The following HDAC9 variants were observed in gnomAD, a reference collection of about 807,000 sequenced individuals.
HDAC9 encodes histone deacetylase 9, also known as MEF-2 interacting transcription repressor (MITR) protein.
Under a neutral mutation model 139.4 loss-of-function variants are expected in HDAC9, and 41 were observed. The observed-to-expected ratio is 0.29, with a 90% CI of 0.23 to 0.38. HDAC9 has a LOEUF of 0.38. HDAC9 is among the 10% of genes least tolerant of loss of function. The pLI is 1.00. For missense variants in HDAC9, 1,147 were observed against 1,297.0 expected, an observed-to-expected ratio of 0.88 and a Z score of 1.78; for synonymous variants, 517 against 476.2, an observed-to-expected ratio of 1.09 and a Z score of -1.12.
Position 18,976,956 on chromosome 7 carries a change from G to C in HDAC9, c.3170+1003G>C, listed in dbSNP as rs185040016. 1.2e-4 allele frequency among the ~76,000 whole-genome samples: 18 copies of C among 152,118 alleles called. 1 individual carries two copies. Among genetic ancestry groups the C allele is most frequent in the African/African-American group, 3.9e-4 (16 of 41,428 alleles). ...AATTTTCCCAAGAATGCACAAATACGAACAGTTCTACTTTCTTGCTTTTAC... is the reference window on the plus strand; with the variant it reads ...AATTTTCCCAAGAATGCACAAATACCAACAGTTCTACTTTCTTGCTTTTAC... On this transcript the variant is annotated intron_variant, in intron 25 of 25. Coordinates refer to ENST00000686413, the MANE Select transcript of HDAC9 (RefSeq NM_178425.4).
chr7:18,447,205 CAG>C (rs1172811060), intron 1 of HDAC9, among the ~76,000 whole-genome samples: 4 of 151,968 alleles, frequency 2.6e-5, no homozygotes, highest in South Asian at 2.1e-4. Flanking sequence ...CAAAAAATAA[CAG>C]AGAGTTTAAA....
rs527292968 is a variant in HDAC9 at position 18,618,956 on chromosome 7, A to C, written c.665-10394A>C. 5.9e-5 allele frequency among the ~76,000 whole-genome samples: 9 copies of C among 152,052 alleles called. No individual in the cohort carries two copies. The East Asian group carries it at 1.5e-3, about 26-fold the overall frequency. ...TAAAACTTTGGGATTCAGGTAGAAA[A>C]GAAAATTATTTTAGAAACTGGATTG... On this transcript the variant is annotated intron_variant, in intron 6 of 25. Coordinates refer to ENST00000686413, the MANE Select transcript of HDAC9 (RefSeq NM_178425.4).
chr7:18,650,203 G>GA (rs1399815406), intron 11 of HDAC9, among the ~76,000 whole-genome samples: 4 of 152,030 alleles, frequency 2.6e-5, no homozygotes, highest in Non-Finnish European at 5.9e-5. Context: ...AGGTATTCTT[G>GA]AAAAATTGTC....
chr7:18,423,674 T>C (rs1351789478), intron 1 of HDAC9, among the ~76,000 whole-genome samples: 3 of 152,162 alleles, frequency 2.0e-5, no homozygotes, highest in African/African-American at 7.2e-5. Flanking sequence ...TCAGGGCCAT[T>C]CCCCACATGG....
intron 7 of HDAC9, among the ~76,000 whole-genome samples, chr7:18,629,995 T>C (rs1468470962): frequency 1.3e-5 from 2 of 152,058 alleles, no homozygotes; most frequent in Admixed American, 1.3e-4. Flanking sequence ...AGGAGGGGGA[T>C]ATATTGCTTT....
chr7:18,412,206 T>C (rs1788633805), intron 1 of HDAC9, among the ~76,000 whole-genome samples: 1 of 152,062 alleles, frequency 6.6e-6, no homozygotes, highest in African/African-American at 2.4e-5. Context: ...TCTGTGTAGG[T>C]CTTTTACTAG....
intron 9 of HDAC9, among the ~76,000 whole-genome samples, chr7:18,647,435 A>T (rs1220288169): frequency 6.6e-6 from 1 of 152,156 alleles, no homozygotes; most frequent in African/African-American, 2.4e-5. Flanking sequence ...TTTCACATGT[A>T]CAATATATTG....
intron 1 of HDAC9, among the ~76,000 whole-genome samples, chr7:18,294,996 A>G (rs948820819): frequency 6.6e-6 from 1 of 152,098 alleles, no homozygotes; most frequent in African/African-American, 2.4e-5. Context: ...TTGTGTGAAG[A>G]TGGGCAAATT....
intron 17 of HDAC9, among the ~76,000 whole-genome samples, chr7:18,803,903 T>A (rs943248643): frequency 3.9e-5 from 6 of 152,052 alleles, no homozygotes; most frequent in African/African-American, 1.2e-4. Context: ...TTAATTTATT[T>A]AAAAAAAACA....
chr7:18,750,978 G>A (rs1788394111), intron 14 of HDAC9, among the ~76,000 whole-genome samples: 1 of 152,116 alleles, frequency 6.6e-6, no homozygotes, highest in Non-Finnish European at 1.5e-5. Context: ...CGAATGCCTT[G>A]TTAGATAGTG....
At chr7:18,949,137 G>A in intron 23 of HDAC9, 1 of 287,354 alleles carries the variant, frequency 3.5e-6, no homozygotes, top group Non-Finnish European at 6.7e-6. Flanking sequence ...TGATGTTGAT[G>A]GTTTTGAGTC....
At chr7:18,741,430 C>T (rs1479437772) in intron 13 of HDAC9, among the ~76,000 whole-genome samples, 2 of 152,126 alleles carry the variant, frequency 1.3e-5, no homozygotes, top group African/African-American at 4.8e-5. Context: ...ACAGCATATC[C>T]GTTTAGAGTG....
chr7:18,726,172 C>T (rs1175085710), intron 12 of HDAC9, among the ~76,000 whole-genome samples: 1 of 152,138 alleles, frequency 6.6e-6, no homozygotes, highest in Non-Finnish European at 1.5e-5. Flanking sequence ...ACAGAGAAAG[C>T]TACAATTACG....
intron 16 of HDAC9, among the ~76,000 whole-genome samples, chr7:18,777,417 G>A (rs1383122738): frequency 1.3e-5 from 2 of 151,898 alleles, no homozygotes; most frequent in East Asian, 3.9e-4. Flanking sequence ...TGCTCTGGCT[G>A]GTCCATCCTG....
chr7:18,096,924 T>C (rs1782544625), intron 1 of HDAC9, among the ~76,000 whole-genome samples: 1 of 150,962 alleles, frequency 6.6e-6, no homozygotes, highest in African/African-American at 2.4e-5. Context: ...TGTGTGTGTA[T>C]TCGTACTCTT....
At chr7:18,114,572 A>T (rs1056429574) in intron 1 of HDAC9, among the ~76,000 whole-genome samples, 50 of 152,292 alleles carry the variant, frequency 3.3e-4, no homozygotes, top group African/African-American at 1.2e-3. Flanking sequence ...ACTATTTTTA[A>T]TTAATAAGTG....
At chr7:18,518,209 A>G (rs780582663) in intron 2 of HDAC9, 9 of 152,168 alleles carry the variant, frequency 5.9e-5, no homozygotes, top group Non-Finnish European at 1.2e-4. Flanking sequence ...TTCTCCAACT[A>G]GACTGACTTC....
At chr7:18,664,553 G>A (rs144593123) in intron 11 of HDAC9, among the ~76,000 whole-genome samples, 9 of 151,882 alleles carry the variant, frequency 5.9e-5, no homozygotes, top group South Asian at 2.1e-4. Context: ...ACTTAGATGC[G>A]CTGGTCTCCT....
At chr7:18,906,129 T>G (rs1182092828) in intron 22 of HDAC9, among the ~76,000 whole-genome samples, 1 of 143,788 alleles carries the variant, frequency 7.0e-6, no homozygotes, top group Non-Finnish European at 1.5e-5. Flanking sequence ...GTCTTTTTCC[T>G]TTTTTTTTTA....
Sources: allele counts gnomAD v4.1 joint callset (sites outside exome capture counted in the v4.1 genomes callset), GRCh38; gene constraint gnomAD v4.1.1; transcripts MANE v1.5; gene names NCBI Gene and HGNC (gene_info 2026-07-23, HGNC 2026-07-21).